Variants in KDM6A observed in about 807,000 individuals in gnomAD.
The protein encoded by KDM6A is lysine-specific demethylase 6A.
A neutral mutation model predicts 117.6 loss-of-function variants in KDM6A; 11 were observed. That is an observed-to-expected ratio of 0.09 (90% CI 0.06 to 0.15). KDM6A has a LOEUF of 0.15. Ranked by LOEUF, KDM6A falls within the 10% of genes least tolerant of loss-of-function variation. KDM6A has a pLI of 1.00. For missense variants in KDM6A, 799 were observed against 1,077.3 expected, an observed-to-expected ratio of 0.74 and a Z score of 3.62; for synonymous variants, 384 against 396.1, an observed-to-expected ratio of 0.97 and a Z score of 0.36.
Position 45,059,425 on chromosome X carries a change from A to G in KDM6A, c.1153A>G (p.Ser385Gly), listed in dbSNP as rs762278314. The G allele has an allele frequency of 2.2e-5, 27 of 1,208,467 alleles. No individual in the cohort carries two copies. Among genetic ancestry groups the G allele is most frequent in the Non-Finnish European group, 2.6e-5 (23 of 894,051 alleles). ...YLNATRSKSC[S>G]NTSALAARIK... is the part of the protein sequence containing the mutation. ...AAATGCAACTAGAAGCAAAAGTTGT[A>G]GTAATACCTCTGCACTTGCAGCACG... Residue 385 changes from serine (S) to glycine (G), a missense_variant, in exon 12 of 30, where the codon AGT becomes GGT. Around this residue, in one of 8 missense-constraint regions of KDM6A, gnomAD observed 36 missense variants for 44.4 expected, o/e 0.81. Coordinates refer to ENST00000611820, the MANE Select transcript of KDM6A (RefSeq NM_001291415.2).
In KDM6A at chrX:45,058,990, T is replaced by G; in HGVS notation, c.876-16T>G. On this transcript the variant is annotated splice_polypyrimidine_tract_variant and intron_variant, in intron 10 of 29. Coordinates refer to ENST00000611820, the MANE Select transcript of KDM6A (RefSeq NM_001291415.2). The stretch of plus-strand genomic sequence containing the variant: ...GAATTCTCTTGATTTTTTTTTTTTT[T>G]CCCTTCCCTTCTCAGGTGCTATTCA... The G allele has an allele frequency of 1.8e-6, 2 of 1,140,042 alleles. No homozygotes were observed. The highest frequency in any genetic ancestry group is 2.4e-6 in the Non-Finnish European group (2 of 834,352). 94.0% of individuals were successfully genotyped at this position (1,140,042 alleles called of 1,213,427 possible).
intron 8 of KDM6A, among the ~76,000 whole-genome samples, chrX:45,042,829 A>G (rs760139724): frequency 8.9e-6 from 1 of 112,316 alleles, no homozygotes; most frequent in South Asian, 3.7e-4. Context: ...AAGAAGGATC[A>G]TTTCATAATC....
intron 3 of KDM6A, among the ~76,000 whole-genome samples, chrX:44,969,606 CAG>C (rs1400716894): frequency 9.2e-6 from 1 of 108,932 alleles, no homozygotes; most frequent in African/African-American, 3.3e-5. Context: ...TTAGTAGAGA[CAG>C]GGTTTCACCG....
Position 45,090,738 on chromosome X carries a change from T to G in KDM6A, c.3908T>G (p.Leu1303Trp). ...VGPLTACQYK[L>W]AVERYEWNKL... is the part of the protein sequence containing the mutation. ...TTTTTCCTAGCCTGCCAGTATAAAT[T>G]GGCAGTGGAACGGTACGAATGGAAC... The change falls in exon 27 of 30, where the codon TTG becomes TGG. Residue 1303 changes from leucine to tryptophan, a missense_variant. Leu to Trp is a moderately conservative substitution (Grantham distance 61). This residue lies in a region of KDM6A where 291 missense variants were observed against 437.9 expected (regional missense o/e 0.66). Coordinates refer to ENST00000611820, the MANE Select transcript of KDM6A (RefSeq NM_001291415.2). 8.3e-7 allele frequency: 1 copy of G among 1,210,750 alleles called. No homozygotes were observed.
chrX:45,080,597 C>A (rs1292424968), intron 21 of KDM6A, among the ~76,000 whole-genome samples: 1 of 111,970 alleles, frequency 8.9e-6, no homozygotes, highest in Non-Finnish European at 1.9e-5. Flanking sequence ...ATTCTGCCAA[C>A]TCATATTTTC....
At position 45,086,279 on chromosome X, in the gene KDM6A, G is replaced by T. The variant is rs181338760; in HGVS notation, c.3704+300G>T. On this transcript the variant is annotated intron_variant, in intron 25 of 29. Transcript: ENST00000611820. ...GCATACTTATTCATTTGAAATGTGT[G>T]TATTCCAAGAAAAATTGTTTTGTTA... The T allele has an allele frequency of 1.0e-3, 251 of 242,955 alleles. 3 individuals carry two copies. Among genetic ancestry groups the T allele is most frequent in the African/African-American group, 6.9e-3 (240 of 34,921 alleles). The allele number at this position is 242,955 out of a possible 1,213,427, so 20.0% of individuals were successfully genotyped here.
chrX:45,022,561 T>G (rs1456484682), intron 6 of KDM6A, among the ~76,000 whole-genome samples: 1 of 111,923 alleles, frequency 8.9e-6, no homozygotes, highest in Non-Finnish European at 1.9e-5. Flanking sequence ...ACATTTTTAG[T>G]CAAAGAGGAG....
chrX:45,087,294 C>G (rs2045685622), intron 25 of KDM6A, among the ~76,000 whole-genome samples: 2 of 113,414 alleles, frequency 1.8e-5, no homozygotes. Context: ...CAGCCCCATA[C>G]TAACTTCTAA....
At chrX:45,043,294 A>T (rs1323373458) in intron 8 of KDM6A, among the ~76,000 whole-genome samples, 1 of 111,365 alleles carries the variant, frequency 9.0e-6, no homozygotes, top group Non-Finnish European at 1.9e-5. Flanking sequence ...CGTCTCAAAC[A>T]AAAAGGAAAC....
chrX:45,027,859 T>C, intron 6 of KDM6A, among the ~76,000 whole-genome samples: 1 of 109,227 alleles, frequency 9.2e-6, no homozygotes, highest in Non-Finnish European at 1.9e-5. Context: ...AATGGCGCGA[T>C]CTCGGCTCAC....
chrX:44,899,144 G>A (rs186015857), intron 2 of KDM6A, among the ~76,000 whole-genome samples: 124 of 99,829 alleles, frequency 1.2e-3, no homozygotes, highest in African/African-American at 4.3e-3. Context: ...GGTGGGGTGT[G>A]TGTGTGTTTA....
intron 21 of KDM6A, among the ~76,000 whole-genome samples, chrX:45,080,814 T>C (rs1449408702): frequency 2.7e-5 from 3 of 112,244 alleles, no homozygotes; most frequent in African/African-American, 9.7e-5. Flanking sequence ...AGAGAATAAA[T>C]AGTAAGAAGG....
chrX:44,895,841 C>CT (rs765739399), intron 2 of KDM6A, among the ~76,000 whole-genome samples: 7,025 of 97,983 alleles, frequency 0.072, 561 homozygotes, highest in African/African-American at 0.23. Flanking sequence ...CATTCATCTG[C>CT]TTTTTTTTTT....
chrX:44,901,981 C>A (rs745858413), intron 2 of KDM6A, among the ~76,000 whole-genome samples: 3 of 112,432 alleles, frequency 2.7e-5, no homozygotes, highest in Non-Finnish European at 5.6e-5. Flanking sequence ...AATCCCAGCA[C>A]TTTGGGAGGC....
intron 4 of KDM6A, among the ~76,000 whole-genome samples, chrX:44,989,481 C>A (rs971543884): frequency 9.1e-6 from 1 of 109,916 alleles, no homozygotes; most frequent in Non-Finnish European, 1.9e-5. Context: ...AATCACCTGT[C>A]TTCTGTGTCG....
chrX:44,995,163 A>G (rs2040804664), intron 4 of KDM6A, among the ~76,000 whole-genome samples: 1 of 111,222 alleles, frequency 9.0e-6, no homozygotes, highest in African/African-American at 3.3e-5. Context: ...GTTCAGATTT[A>G]TGTGGGAAAT....
chrX:45,099,509 A>G (rs2046250112), intron 27 of KDM6A, among the ~76,000 whole-genome samples: 2 of 111,246 alleles, frequency 1.8e-5, no homozygotes, highest in East Asian at 2.8e-4. Flanking sequence ...ATTTTTGACA[A>G]AAACTACTAA....
intron 27 of KDM6A, among the ~76,000 whole-genome samples, chrX:45,097,505 A>G (rs1033971486): frequency 2.7e-5 from 3 of 111,543 alleles, no homozygotes; most frequent in Non-Finnish European, 5.7e-5. Context: ...TAATGAGCTA[A>G]GTGAATACCG....
intron 9 of KDM6A, among the ~76,000 whole-genome samples, chrX:45,052,377 C>T (rs1020024689): frequency 1.2e-4 from 13 of 111,559 alleles, no homozygotes; most frequent in Non-Finnish European, 2.3e-4. Context: ...GTTGTTTTTT[C>T]AGTTTTGTTT....
Sources: allele counts gnomAD v4.1 joint callset (sites outside exome capture counted in the v4.1 genomes callset), GRCh38; gene constraint gnomAD v4.1.1; regional missense constraint gnomAD v4.1.1; transcripts MANE v1.5; gene names NCBI Gene and HGNC (gene_info 2026-07-23, HGNC 2026-07-21).